The following DOCK2 variants were observed in gnomAD, a reference collection of about 807,000 sequenced individuals.
DOCK2 encodes the protein dedicator of cytokinesis 2, also known as dedicator of cytokinesis protein 2.
A neutral mutation model predicts 248.9 loss-of-function variants in DOCK2; 87 were observed. The ratio of observed to expected loss-of-function variants is 0.35; its 90% CI spans 0.29 to 0.42. DOCK2 has a LOEUF of 0.42. Ranked by LOEUF, DOCK2 falls within the 10% of genes least tolerant of loss-of-function variation. The probability of loss-of-function intolerance (pLI) is 1.00; values close to 1 mark genes in which losing one functional copy is unlikely to be tolerated. For synonymous variants in DOCK2, 805 were observed against 821.6 expected (o/e 0.98, Z 0.35); for missense variants, 1,747 against 2,300.2 (o/e 0.76, Z 4.92).
chr5:169,751,531 G>T (rs905237801), intron 23 of DOCK2, among the ~76,000 whole-genome samples: 3 of 152,204 alleles, frequency 2.0e-5, no homozygotes, highest in Non-Finnish European at 4.4e-5. Flanking sequence ...CAGCTGGGTA[G>T]CGGCTTATGT....
chr5:169,760,648 A>G (rs1052565554), intron 24 of DOCK2, among the ~76,000 whole-genome samples: 1 of 152,116 alleles, frequency 6.6e-6, no homozygotes, highest in African/African-American at 2.4e-5. Flanking sequence ...TTTCTCCCCC[A>G]GCCCCTGTGC....
intron 27 of DOCK2, chr5:169,883,704 C>T: frequency 6.4e-7 from 1 of 1,551,296 alleles, no homozygotes. Flanking sequence ...GAGTCTTCCC[C>T]ATCACAGCCG....
At chr5:169,988,074 T>C (rs1248559173) in intron 29 of DOCK2, among the ~76,000 whole-genome samples, 1 of 152,192 alleles carries the variant, frequency 6.6e-6, no homozygotes, top group Non-Finnish European at 1.5e-5. Context: ...TTGCCATCAC[T>C]AGGTGATGAC....
intron 46 of DOCK2, among the ~76,000 whole-genome samples, chr5:170,074,528 C>G (rs1757779630): frequency 6.6e-6 from 1 of 152,198 alleles, no homozygotes; most frequent in African/African-American, 2.4e-5. Flanking sequence ...TTCACATTCT[C>G]CAGAGTCAGA....
intron 32 of DOCK2, among the ~76,000 whole-genome samples, chr5:170,017,032 C>T (rs1755561271): frequency 1.3e-5 from 2 of 152,302 alleles, no homozygotes; most frequent in South Asian, 2.1e-4. Flanking sequence ...TGCCTGACTC[C>T]ACCATTTCAT....
At chr5:169,825,514 G>T (rs915534412) in intron 26 of DOCK2, among the ~76,000 whole-genome samples, 10 of 148,406 alleles carry the variant, frequency 6.7e-5, no homozygotes, top group South Asian at 2.1e-4. Flanking sequence ...GCAAACTATC[G>T]CAAGGACAAA....
chr5:170,051,126 C>G (rs1248381307), intron 41 of DOCK2, among the ~76,000 whole-genome samples: 1 of 152,202 alleles, frequency 6.6e-6, no homozygotes, highest in Non-Finnish European at 1.5e-5. Context: ...CAAAGCTTAG[C>G]AGGAAGTGGG....
chr5:169,661,255 A>C (rs899063765), intron 2 of DOCK2, among the ~76,000 whole-genome samples: 3 of 152,214 alleles, frequency 2.0e-5, no homozygotes, highest in African/African-American at 7.2e-5. Flanking sequence ...TGCACAGTTA[A>C]GTAGCAGATC....
chr5:169,774,367 G>A (rs770620005), intron 25 of DOCK2, among the ~76,000 whole-genome samples: 6 of 152,188 alleles, frequency 3.9e-5, no homozygotes, highest in Non-Finnish European at 8.8e-5. Context: ...TGACATCCAT[G>A]TAAAGTGTAG....
At chr5:169,855,782 T>C (rs1770857452) in intron 27 of DOCK2, among the ~76,000 whole-genome samples, 1 of 151,956 alleles carries the variant, frequency 6.6e-6, no homozygotes, top group Non-Finnish European at 1.5e-5. Flanking sequence ...TAACGTATGG[T>C]GGGAAAAGGG....
At chr5:169,877,283 T>C (rs1442472044) in intron 27 of DOCK2, among the ~76,000 whole-genome samples, 1 of 152,214 alleles carries the variant, frequency 6.6e-6, no homozygotes, top group Non-Finnish European at 1.5e-5. Flanking sequence ...GGTCAGATTC[T>C]ATTTTTCAGG....
At chr5:169,661,285 C>T (rs1445297003) in intron 2 of DOCK2, among the ~76,000 whole-genome samples, 1 of 152,128 alleles carries the variant, frequency 6.6e-6, no homozygotes, top group Non-Finnish European at 1.5e-5. Context: ...TTCAGACTTT[C>T]ATTGCAGAGC....
chr5:169,843,138 G>A (rs182097582), intron 27 of DOCK2, among the ~76,000 whole-genome samples: 1 of 152,172 alleles, frequency 6.6e-6, no homozygotes. Context: ...AAACATGCTG[G>A]CACTGTCTTA....
In DOCK2 at chr5:169,764,642, T is replaced by A. The variant is rs137863469; in HGVS notation, c.2554+3017T>A. Among the ~76,000 whole-genome samples the A allele has an allele frequency of 6.6e-6, 1 of 152,324 alleles. No individual in the cohort carries two copies. The highest frequency in any genetic ancestry group is 1.9e-4 in the East Asian group (1 of 5,192). On this transcript the variant is annotated intron_variant, in intron 25 of 51. Coordinates refer to ENST00000520908, the MANE Select transcript of DOCK2 (RefSeq NM_004946.3). This position sits in a 1 kb window ranked among gnomAD's most constrained non-coding sequence, Gnocchi z 4.3. Reference sequence around the variant, plus strand: ...TTTCATACTAAACAGCAATTGTTATTATTGGTGTTGTGGTTGTTTTTCCTG... The same window carrying A: ...TTTCATACTAAACAGCAATTGTTATAATTGGTGTTGTGGTTGTTTTTCCTG...
intron 26 of DOCK2, among the ~76,000 whole-genome samples, chr5:169,811,022 C>CTCAT (rs1375777265): frequency 1.3e-5 from 2 of 151,828 alleles, no homozygotes; most frequent in African/African-American, 4.9e-5. Flanking sequence ...CACACACACA[C>CTCAT]ACTCATGCCT....
At chr5:169,642,114 C>T (rs563184004) in intron 1 of DOCK2, among the ~76,000 whole-genome samples, 1 of 152,196 alleles carries the variant, frequency 6.6e-6, no homozygotes, top group East Asian at 1.9e-4. Flanking sequence ...CAAACATACC[C>T]AGGAGCAGAA....
At chr5:169,765,101 CA>C (rs1764700946) in intron 25 of DOCK2, among the ~76,000 whole-genome samples, 3 of 151,740 alleles carry the variant, frequency 2.0e-5, no homozygotes, top group African/African-American at 7.3e-5. Context: ...CACACACACA[CA>C]CCCCACACAC....
chr5:169,868,579 C>T (rs748676417), intron 27 of DOCK2, among the ~76,000 whole-genome samples: 1 of 152,016 alleles, frequency 6.6e-6, no homozygotes, highest in Non-Finnish European at 1.5e-5. Context: ...GGCAACATAG[C>T]GAGACACCAT....
At chr5:169,793,403 T>C (rs1053084292) in intron 25 of DOCK2, among the ~76,000 whole-genome samples, 2 of 152,200 alleles carry the variant, frequency 1.3e-5, no homozygotes, top group African/African-American at 4.8e-5. Context: ...GGTATGAATA[T>C]GGGCTCTGGA....
Sources: allele counts gnomAD v4.1 joint callset (sites outside exome capture counted in the v4.1 genomes callset), GRCh38; gene constraint gnomAD v4.1.1; non-coding constraint Gnocchi (gnomAD v3.1); transcripts MANE v1.5; gene names NCBI Gene and HGNC (gene_info 2026-07-23, HGNC 2026-07-21).